The following BBOF1 variants were observed in gnomAD, a reference collection of about 807,000 sequenced individuals.
The protein encoded by BBOF1 is basal body orientation factor 1.
Under a neutral mutation model 68.0 loss-of-function variants are expected in BBOF1, and 62 were observed. The ratio of observed to expected loss-of-function variants is 0.91; its 90% CI spans 0.74 to 1.13. BBOF1 has a LOEUF of 1.13. Among genes scored for constraint, BBOF1 ranks in the 50% most tolerant of loss-of-function variants. BBOF1 has a pLI of 0.00. For missense variants in BBOF1, 534 were observed against 600.1 expected, an observed-to-expected ratio of 0.89 and a Z score of 1.15; for synonymous variants, 208 against 198.8, an observed-to-expected ratio of 1.05 and a Z score of -0.39.
chr14:74,066,914 G>A (rs1283443526), downstream of BBOF1: 1 of 1,599,854 alleles, frequency 6.3e-7, no homozygotes, highest in South Asian at 1.1e-5. Context: ...AGAATTTAAG[G>A]TCCTCATTAA....
chr14:74,023,430 T>C (rs1405046198), intron 2 of BBOF1, among the ~76,000 whole-genome samples: 1 of 152,172 alleles, frequency 6.6e-6, no homozygotes, highest in African/African-American at 2.4e-5. Context: ...GATAAGAGCA[T>C]GGTATGTGAT....
At chr14:74,025,061 C>T (rs1432090551) in intron 2 of BBOF1, among the ~76,000 whole-genome samples, 1 of 152,134 alleles carries the variant, frequency 6.6e-6, no homozygotes, top group Non-Finnish European at 1.5e-5. Flanking sequence ...AGCCACAAAA[C>T]CTGGCCAATT....
intron 9 of BBOF1, chr14:74,071,391 C>A (rs771808082): frequency 6.2e-7 from 1 of 1,614,180 alleles, no homozygotes; most frequent in Non-Finnish European, 8.5e-7. Context: ...TGCCTGCACA[C>A]ACTCCCAGAG....
intron 4 of BBOF1, among the ~76,000 whole-genome samples, chr14:74,040,297 T>G (rs1214795122): frequency 1.3e-5 from 2 of 152,178 alleles, no homozygotes; most frequent in East Asian, 3.8e-4. Context: ...CCTCTTAATA[T>G]TTTTGAAAAA....
At chr14:74,054,385 G>GT (rs893421010) in intron 8 of BBOF1, among the ~76,000 whole-genome samples, 4,136 of 141,586 alleles carry the variant, frequency 0.029, 170 homozygotes, top group African/African-American at 0.092. Flanking sequence ...TTTTTTTGTT[G>GT]TTTTTTTTTT....
chr14:74,045,495 G>C (rs973808914), intron 5 of BBOF1, among the ~76,000 whole-genome samples: 2 of 152,134 alleles, frequency 1.3e-5, no homozygotes, highest in African/African-American at 4.8e-5. Context: ...TTTTAGTAGA[G>C]CTGGGGTTTC....
At chr14:74,077,091 T>C (rs967968098) in intron 9 of BBOF1, among the ~76,000 whole-genome samples, 1 of 152,190 alleles carries the variant, frequency 6.6e-6, no homozygotes, top group Non-Finnish European at 1.5e-5. Flanking sequence ...ATCTGTTTGC[T>C]CTTCTATTCC....
intron 2 of BBOF1, among the ~76,000 whole-genome samples, chr14:74,024,829 C>T (rs1438357145): frequency 2.0e-5 from 3 of 152,118 alleles, no homozygotes; most frequent in Non-Finnish European, 4.4e-5. Flanking sequence ...CCTCGAACTC[C>T]TGGGCTCAAG....
At chr14:74,071,708 T>C (rs1299855739) in intron 9 of BBOF1, 5 of 1,478,796 alleles carry the variant, frequency 3.4e-6, no homozygotes, top group African/African-American at 1.4e-5. Flanking sequence ...TGGAAGATCA[T>C]TTGAGTAAAG....
intron 10 of BBOF1, among the ~76,000 whole-genome samples, chr14:74,080,517 A>G (rs2060659633): frequency 6.6e-6 from 1 of 151,938 alleles, no homozygotes; most frequent in Non-Finnish European, 1.5e-5. Context: ...ACAGGTGCAC[A>G]CGACCTCGCT....
At chr14:74,025,753 A>C (rs976293597) in intron 2 of BBOF1, among the ~76,000 whole-genome samples, 2 of 152,196 alleles carry the variant, frequency 1.3e-5, no homozygotes, top group African/African-American at 4.8e-5. Context: ...TTAGTTTAAA[A>C]AGCTACTCAG....
In BBOF1 at chr14:74,055,608, T is replaced by A; in HGVS notation, c.1311T>A (p.Asp437Glu). 6.2e-7 allele frequency: 1 copy of A among 1,613,592 alleles called. No individual in the cohort carries two copies. The highest frequency in any genetic ancestry group is 8.5e-7 in the Non-Finnish European group (1 of 1,179,650). Reference protein sequence around the residue: ...EKWTHIEGNVDIGDLTWEQKE... With the variant: ...EKWTHIEGNVEIGDLTWEQKE... The stretch of plus-strand genomic sequence containing the variant: ...GGACACATATTGAAGGAAATGTGGA[T>A]ATTGGAGATTTGACCTGGGAGCAGA... Residue 437 changes from aspartate to glutamate, a missense_variant, in exon 9 of 12, where the codon GAT becomes GAA. Transcript: ENST00000394009.
chr14:74,021,002 C>A (rs2059276934), intron 1 of BBOF1, among the ~76,000 whole-genome samples: 2 of 152,222 alleles, frequency 1.3e-5, no homozygotes, highest in South Asian at 2.1e-4. Flanking sequence ...AAACCCATTA[C>A]CTCTGTGGAA....
At chr14:74,063,853 G>C (rs1293334194) in intron 11 of BBOF1, among the ~76,000 whole-genome samples, 2 of 137,060 alleles carry the variant, frequency 1.5e-5, no homozygotes, top group Non-Finnish European at 3.1e-5. Flanking sequence ...GCGACAGAGT[G>C]AGACTCTGTC....
intron 11 of BBOF1, among the ~76,000 whole-genome samples, chr14:74,063,634 G>A (rs562372954): frequency 3.3e-5 from 5 of 152,012 alleles, no homozygotes; most frequent in Middle Eastern, 3.4e-3. Context: ...AGGAGGCTGA[G>A]GCAGGCGGAT....
chr14:74,061,078 A>G (rs1242846141), intron 11 of BBOF1, among the ~76,000 whole-genome samples: 1 of 137,974 alleles, frequency 7.2e-6, no homozygotes, highest in African/African-American at 2.7e-5. Context: ...CCCGGGTTCA[A>G]GCAGCTCTCC....
intron 8 of BBOF1, among the ~76,000 whole-genome samples, chr14:74,050,992 C>T (rs918389225): frequency 1.3e-5 from 2 of 151,950 alleles, no homozygotes; most frequent in African/African-American, 2.4e-5. Context: ...ACCTGTAATC[C>T]CAGCACTTTG....
chr14:74,050,248 C>T, intron 8 of BBOF1, 53 bp downstream of exon 8: 1 of 1,501,850 alleles, frequency 6.7e-7, no homozygotes, highest in South Asian at 1.4e-5. Flanking sequence ...GTGTCCTTTA[C>T]AGAAAGAGGA....
intron 9 of BBOF1, among the ~76,000 whole-genome samples, chr14:74,077,558 T>C (rs2060625508): frequency 6.6e-6 from 1 of 150,784 alleles, no homozygotes; most frequent in Non-Finnish European, 1.5e-5. Flanking sequence ...ACTGGGGGGG[T>C]ATCCTGGCTT....
Sources: allele counts gnomAD v4.1 joint callset (sites outside exome capture counted in the v4.1 genomes callset), GRCh38; gene constraint gnomAD v4.1.1; transcripts MANE v1.5; gene names NCBI Gene and HGNC (gene_info 2026-07-23, HGNC 2026-07-21).